CTNNA2: variants seen among roughly 807,000 people sequenced by gnomAD.
The protein encoded by CTNNA2 is catenin alpha-2.
Under a neutral mutation model 101.0 loss-of-function variants are expected in CTNNA2, and 42 were observed. That is an observed-to-expected ratio of 0.42 (90% CI 0.32 to 0.54). CTNNA2 has a LOEUF of 0.54. Ranked by LOEUF, CTNNA2 falls within the 20% of genes least tolerant of loss-of-function variation. CTNNA2 has a pLI of 0.14. For synonymous variants in CTNNA2, 450 were observed against 456.4 expected, an observed-to-expected ratio of 0.99 and a Z score of 0.18; for missense variants, 871 against 1,223.1, an observed-to-expected ratio of 0.71 and a Z score of 4.29.
intron 2 of CTNNA2, among the ~76,000 whole-genome samples, chr2:79,652,146 TATC>T (rs778593707): frequency 6.6e-6 from 1 of 152,134 alleles, no homozygotes; most frequent in Non-Finnish European, 1.5e-5. Context: ...AACAGAAAAA[TATC>T]ATCAGGATTT....
At chr2:80,073,902 G>T (rs1698516650) in intron 7 of CTNNA2, among the ~76,000 whole-genome samples, 1 of 151,968 alleles carries the variant, frequency 6.6e-6, no homozygotes, top group South Asian at 2.1e-4. Flanking sequence ...TCCATCATGA[G>T]CTTCTCTCAT....
rs111623925 is a variant in CTNNA2 at position 79,961,327 on chromosome 2, C to T, written c.1056+51530C>T. 1.4e-3 allele frequency among the ~76,000 whole-genome samples: 213 copies of T among 152,174 alleles called. 3 individuals carry two copies. The highest frequency in any genetic ancestry group is 4.9e-3 in the African/African-American group (204 of 41,510). ...GTCTCCCTGTAGCCCCAGTACTGTC[C>T]CTTGCAGCTCCCAGCACTCTATCAC... On this transcript the variant is annotated intron_variant, in intron 7 of 18. Coordinates refer to ENST00000402739, the MANE Select transcript of CTNNA2 (RefSeq NM_001282597.3).
chr2:79,365,039 G>A (rs902353983), intron 3 of CTNNA2, among the ~76,000 whole-genome samples: 1 of 152,014 alleles, frequency 6.6e-6, no homozygotes, highest in Non-Finnish European at 1.5e-5. Flanking sequence ...ACTTTGGGAG[G>A]TGAGGTGGGT....
At chr2:79,676,476 C>G (rs573017636) in intron 2 of CTNNA2, among the ~76,000 whole-genome samples, 3 of 152,240 alleles carry the variant, frequency 2.0e-5, no homozygotes, top group South Asian at 2.1e-4. Flanking sequence ...GTGGTACCCA[C>G]GGTGAGATTC....
intron 2 of CTNNA2, among the ~76,000 whole-genome samples, chr2:79,742,350 T>TA (rs112025910): frequency 2.7e-5 from 4 of 150,914 alleles, no homozygotes; most frequent in Middle Eastern, 3.4e-3. Context: ...TTGTGAAGTC[T>TA]AAAAAAAAAT....
chr2:80,236,347 G>C (rs1008033103), intron 7 of CTNNA2, among the ~76,000 whole-genome samples: 1 of 152,104 alleles, frequency 6.6e-6, no homozygotes, highest in African/African-American at 2.4e-5. Flanking sequence ...TTGCTCGTTC[G>C]GATGATGGCA....
intron 6 of CTNNA2, among the ~76,000 whole-genome samples, chr2:79,903,130 T>A (rs1359511777): frequency 2.0e-5 from 3 of 152,206 alleles, no homozygotes; most frequent in Non-Finnish European, 4.4e-5. Flanking sequence ...GATATCTGCA[T>A]TATTGGTGTT....
intron 7 of CTNNA2, among the ~76,000 whole-genome samples, chr2:80,349,083 C>T (rs1673049000): frequency 2.0e-5 from 3 of 152,120 alleles, no homozygotes; most frequent in African/African-American, 7.2e-5. Flanking sequence ...CCATGAAAGG[C>T]ACTTAACAAA....
chr2:80,184,765 C>T (rs1395307903), intron 7 of CTNNA2, among the ~76,000 whole-genome samples: 1 of 151,146 alleles, frequency 6.6e-6, no homozygotes, highest in East Asian at 1.9e-4. Context: ...CAAACCTTGG[C>T]TCAGTCATTT....
At chr2:79,378,273 A>G (rs1678001272) in intron 4 of CTNNA2, among the ~76,000 whole-genome samples, 2 of 152,312 alleles carry the variant, frequency 1.3e-5, no homozygotes, top group South Asian at 4.1e-4. Context: ...TGTCTCTAGG[A>G]ATTGAGGAGA....
At chr2:80,537,714 C>T (rs1275774031) in intron 9 of CTNNA2, among the ~76,000 whole-genome samples, 2 of 152,124 alleles carry the variant, frequency 1.3e-5, no homozygotes, top group Non-Finnish European at 2.9e-5. Context: ...CTGCCTCAGC[C>T]TCCTGAGTAG....
chr2:79,732,542 GTTAT>G (rs913173819), intron 2 of CTNNA2, among the ~76,000 whole-genome samples: 1 of 151,868 alleles, frequency 6.6e-6, no homozygotes, highest in African/African-American at 2.4e-5. Flanking sequence ...GAATGTATGT[GTTAT>G]TTATTTTTCT....
At chr2:79,714,998 C>T (rs1685980259) in intron 2 of CTNNA2, among the ~76,000 whole-genome samples, 2 of 147,300 alleles carry the variant, frequency 1.4e-5, no homozygotes. Flanking sequence ...TGAAACCAGC[C>T]TGGCCAACAT....
At chr2:79,367,257 T>C (rs914195642) in intron 3 of CTNNA2, among the ~76,000 whole-genome samples, 39 of 152,340 alleles carry the variant, frequency 2.6e-4, no homozygotes, top group African/African-American at 9.1e-4. Flanking sequence ...ACCTTAATCT[T>C]GGACTTTTAG....
chr2:80,419,408 T>G (rs745701335), intron 8 of CTNNA2, 41 bp from the exon 9 acceptor site: 11 of 1,544,764 alleles, frequency 7.1e-6, no homozygotes, highest in Non-Finnish European at 9.8e-6. Flanking sequence ...TTATACTATT[T>G]CTTAATTGTA....
chr2:79,338,572 CTCA>C (rs368664215), intron 3 of CTNNA2, among the ~76,000 whole-genome samples: 11,525 of 126,568 alleles, frequency 0.091, 1,329 homozygotes, highest in East Asian at 0.14. Context: ...CTTCTTCCTC[CTCA>C]TCATCTTCTT....
intron 7 of CTNNA2, among the ~76,000 whole-genome samples, chr2:79,924,702 A>G (rs1023021693): frequency 6.6e-6 from 1 of 152,110 alleles, no homozygotes; most frequent in Non-Finnish European, 1.5e-5. Context: ...ATTCAAAGTG[A>G]GTTGAGATTT....
chr2:80,632,456 T>A (rs1672401788), intron 18 of CTNNA2, among the ~76,000 whole-genome samples: 1 of 152,172 alleles, frequency 6.6e-6, no homozygotes, highest in Non-Finnish European at 1.5e-5. Context: ...AATTTCTTTG[T>A]CTTTTTGTGC....
At chr2:79,195,123 C>T (rs1355144537) in intron 1 of CTNNA2, among the ~76,000 whole-genome samples, 1 of 152,092 alleles carries the variant, frequency 6.6e-6, no homozygotes, top group African/African-American at 2.4e-5. Flanking sequence ...ACAGTGATCC[C>T]ATCTCTGCGT....
Sources: gnomAD v4.1 joint callset for allele counts (sites outside exome capture counted in the v4.1 genomes callset) on GRCh38, gnomAD v4.1.1 for gene constraint, MANE v1.5 for transcripts, NCBI Gene and HGNC (gene_info 2026-07-23, HGNC 2026-07-21) for gene names.